Variants in SHMT1 observed in about 807,000 individuals in gnomAD.
The protein encoded by SHMT1 is serine hydroxymethyltransferase, cytosolic.
In SHMT1, 45 loss-of-function variants were observed where a neutral mutation model predicts 49.0. The observed-to-expected ratio is 0.92, with a 90% confidence interval of 0.72 to 1.18. The LOEUF (loss-of-function observed/expected upper bound fraction) is 1.18. SHMT1 is among the 50% of genes most tolerant of loss of function. SHMT1 has a pLI of 0.00. For missense variants in SHMT1, 541 were observed against 612.4 expected (o/e 0.88, Z 1.23); for synonymous variants, 232 against 246.6 (o/e 0.94, Z 0.55).
chr17:18,351,627 A>T (rs1233993066), intron 3 of SHMT1, among the ~76,000 whole-genome samples: 1 of 152,128 alleles, frequency 6.6e-6, no homozygotes, highest in African/African-American at 2.4e-5. Flanking sequence ...TAAATAAGTT[A>T]GTCGGGTGTG....
chr17:18,359,364 C>T (rs954316821), intron 1 of SHMT1, among the ~76,000 whole-genome samples: 1 of 151,680 alleles, frequency 6.6e-6, no homozygotes, highest in Non-Finnish European at 1.5e-5. Context: ...CACAGTGAAA[C>T]CACGTCTCTA....
intron 1 of SHMT1, 125 bp from the exon 2 acceptor site, chr17:18,356,125 T>G (rs897505526): frequency 4.2e-6 from 2 of 474,258 alleles, no homozygotes; most frequent in Non-Finnish European, 7.5e-6. Context: ...TGATCTCGGC[T>G]CACTGCAACC....
At chr17:18,350,413 A>C (rs1464386781) in intron 3 of SHMT1, among the ~76,000 whole-genome samples, 1 of 152,110 alleles carries the variant, frequency 6.6e-6, no homozygotes, top group African/African-American at 2.4e-5. Flanking sequence ...TGGAAGGCTC[A>C]GGTGGGAAGA....
chr17:18,334,128 C>T (rs920701949), intron 8 of SHMT1, among the ~76,000 whole-genome samples: 2 of 152,108 alleles, frequency 1.3e-5, no homozygotes, highest in Admixed American at 6.5e-5. Flanking sequence ...TTAGTAGAGA[C>T]AGGGTTTCAC....
At chr17:18,339,049 T>TTAAAA (rs1567776620) in intron 7 of SHMT1, among the ~76,000 whole-genome samples, 1 of 26,852 alleles carries the variant, frequency 3.7e-5, no homozygotes, top group Non-Finnish European at 6.0e-5. Context: ...CAATAAATAC[T>TTAAAA]AAAAAAAAAA....
At position 18,353,781 on chromosome 17, in the gene SHMT1, T is replaced by G; in HGVS notation, c.133A>C (p.Arg45=). ...NIIKKESNRQ[R]VGLELIASEN... ...GAGGCAATCAGCTCCAATCCAACCC[T>G]CTGCCGGTTACTCTCCTTCTTAATG... The change falls in exon 3 of 12, where the codon AGG becomes CGG. Residue 45 remains arginine (R), a synonymous_variant. Transcript: ENST00000316694. 1 of 1,614,090 alleles carries G rather than the reference T, an allele frequency of 6.2e-7. No individual in the cohort carries two copies. Among genetic ancestry groups the G allele is most frequent in the South Asian group, 1.1e-5 (1 of 91,078 alleles).
intron 2 of SHMT1, among the ~76,000 whole-genome samples, chr17:18,355,007 C>T (rs563898717): frequency 8.0e-5 from 10 of 124,822 alleles, no homozygotes; most frequent in Non-Finnish European, 1.1e-4. Context: ...GCTGAGATCG[C>T]GTCACTGCAC....
In SHMT1 at chr17:18,342,603, C is replaced by T. The variant is rs535780345; in HGVS notation, c.520-1790G>A. On this transcript the variant is annotated intron_variant, in intron 5 of 11. Transcript: ENST00000316694. ...TGCTGAGATTATAGGTGTGAGCCAC[C>T]GCACCTGGCCATGTGATCTTACTTC... Among the ~76,000 whole-genome samples, 10 of 152,124 alleles carry T rather than the reference C, an allele frequency of 6.6e-5. No homozygotes were observed. In the South Asian group the frequency reaches 2.1e-3, roughly 32 times the overall value.
At chr17:18,343,203 T>A (rs1489970754) in intron 5 of SHMT1, among the ~76,000 whole-genome samples, 1 of 149,216 alleles carries the variant, frequency 6.7e-6, no homozygotes, top group East Asian at 1.9e-4. Flanking sequence ...ATAATTTGTT[T>A]AAAAAAAAAA....
intron 1 of SHMT1, among the ~76,000 whole-genome samples, chr17:18,360,211 T>C (rs1487283665): frequency 1.3e-5 from 2 of 151,782 alleles, no homozygotes; most frequent in East Asian, 1.9e-4. Flanking sequence ...ATCATACCAT[T>C]GCACTCCAGC....
intron 1 of SHMT1, among the ~76,000 whole-genome samples, chr17:18,358,051 T>C (rs998419144): frequency 1.4e-5 from 2 of 144,048 alleles, no homozygotes; most frequent in Non-Finnish European, 3.0e-5. Context: ...ATTTTTTCAG[T>C]AGAGATGGGG....
chr17:18,334,112 T>A (rs948938079), intron 8 of SHMT1, among the ~76,000 whole-genome samples: 1 of 152,044 alleles, frequency 6.6e-6, no homozygotes, highest in Non-Finnish European at 1.5e-5. Flanking sequence ...CTAATTTTTG[T>A]ATTTTTTAGT....
At chr17:18,347,758 C>T in intron 4 of SHMT1, 102 bp from the exon 5 acceptor site, 1 of 1,318,334 alleles carries the variant, frequency 7.6e-7, no homozygotes, top group South Asian at 1.2e-5. Context: ...GTGGCGAGAA[C>T]AGGCCTTGTA....
intron 5 of SHMT1, among the ~76,000 whole-genome samples, chr17:18,347,295 C>A (rs1241246726): frequency 6.6e-6 from 1 of 152,214 alleles, no homozygotes; most frequent in Non-Finnish European, 1.5e-5. Context: ...CCTGTGGCCT[C>A]AGCTCAGACC....
intron 1 of SHMT1, among the ~76,000 whole-genome samples, chr17:18,361,785 CAA>C (rs754941626): frequency 1.3e-4 from 11 of 86,438 alleles, no homozygotes; most frequent in Non-Finnish European, 9.8e-5. Context: ...GACTCCGTCT[CAA>C]AAAAAAAAAA....
chr17:18,344,330 C>A (rs2151585627), intron 5 of SHMT1, among the ~76,000 whole-genome samples: 1 of 152,090 alleles, frequency 6.6e-6, no homozygotes, highest in South Asian at 2.1e-4. Context: ...GGCAAAGAAA[C>A]CGTTTTATGA....
At chr17:18,349,881 G>A (rs1035980599) in intron 3 of SHMT1, among the ~76,000 whole-genome samples, 3 of 151,946 alleles carry the variant, frequency 2.0e-5, no homozygotes, top group Admixed American at 6.6e-5. Flanking sequence ...TTAGCCAGGC[G>A]TGGTGGTGCA....
chr17:18,336,678 A>T (rs778266454), intron 7 of SHMT1, among the ~76,000 whole-genome samples: 19 of 150,706 alleles, frequency 1.3e-4, no homozygotes, highest in Non-Finnish European at 2.5e-4. Flanking sequence ...GGGGAAAAAA[A>T]AAGTCCATGT....
chr17:18,355,598 A>G (rs1567793481), intron 2 of SHMT1, among the ~76,000 whole-genome samples: 1 of 152,082 alleles, frequency 6.6e-6, no homozygotes, highest in African/African-American at 2.4e-5. Flanking sequence ...AGATGTCTAG[A>G]TAGATCTATA....
Sources: allele counts gnomAD v4.1 joint callset (sites outside exome capture counted in the v4.1 genomes callset), GRCh38; gene constraint gnomAD v4.1.1; transcripts MANE v1.5; gene names NCBI Gene and HGNC (gene_info 2026-07-23, HGNC 2026-07-21).